The following OLA1 variants were observed in gnomAD, a reference collection of about 807,000 sequenced individuals.
OLA1 encodes Obg like ATPase 1.
OLA1 carries 14 observed loss-of-function variants against 48.4 expected under a neutral mutation model. That is an observed-to-expected ratio of 0.29 (90% CI 0.19 to 0.45). OLA1 has a LOEUF of 0.45. Among genes scored for constraint, OLA1 ranks in the 20% least tolerant of loss-of-function variants. The probability of loss-of-function intolerance (pLI) is 1.00; values close to 1 mark genes in which losing one functional copy is unlikely to be tolerated. For missense variants in OLA1, 325 were observed against 467.1 expected (o/e 0.70, Z 2.80); for synonymous variants, 127 against 150.4 (o/e 0.84, Z 1.14).
chr2:174,247,772 A>G lies in OLA1; in HGVS notation c.-1+680T>C, dbSNP rs80318399. 3,890 of 1,550,726 alleles carry G rather than the reference A, an allele frequency of 2.5e-3. 87 individuals are homozygous for G. The African/African-American group carries it at 0.044, about 18-fold the overall frequency. On this transcript the variant is annotated intron_variant, in intron 1 of 10. Coordinates refer to ENST00000284719, the MANE Select transcript of OLA1 (RefSeq NM_013341.5). ...CTCCAAAATCTACATTATGGTTACT[A>G]TTTCTAATGGTAAATTAATCGACGG...
chr2:174,095,338 TTTTTTTTTTTTGTTG>T (rs1216692556), intron 7 of OLA1, among the ~76,000 whole-genome samples: 14 of 124,776 alleles, frequency 1.1e-4, no homozygotes, highest in Admixed American at 8.0e-4. Flanking sequence ...TTTTTTTTTT[TTTTTTTTTTTTGTTG>T]TTGTTGTTGT....
At chr2:174,081,893 T>C in intron 8 of OLA1, 31 bp downstream of exon 8, 3 of 1,604,056 alleles carry the variant, frequency 1.9e-6, no homozygotes, top group Non-Finnish European at 2.6e-6. Flanking sequence ...TAGTTGATAA[T>C]AAAGTGTAGG....
intron 7 of OLA1, among the ~76,000 whole-genome samples, chr2:174,100,567 G>A (rs865870010): frequency 2.0e-5 from 3 of 152,020 alleles, no homozygotes; most frequent in Non-Finnish European, 4.4e-5. Context: ...ACCACACATA[G>A]CTAATTTTTA....
At chr2:174,188,223 G>A (rs919025724) in intron 4 of OLA1, among the ~76,000 whole-genome samples, 2 of 152,110 alleles carry the variant, frequency 1.3e-5, no homozygotes, top group Admixed American at 6.5e-5. Flanking sequence ...TACAAAATCA[G>A]AGAGGTTGTT....
At position 174,172,981 on chromosome 2, in the gene OLA1, C is replaced by T. The variant is rs78221900; in HGVS notation, c.374-30981G>A. Among the ~76,000 whole-genome samples, 1,246 of 152,182 alleles carry T rather than the reference C, an allele frequency of 8.2e-3. 21 individuals carry two copies. Among genetic ancestry groups the T allele is most frequent in the African/African-American group, 0.028 (1,154 of 41,502 alleles). On this transcript the variant is annotated intron_variant, in intron 4 of 10. Coordinates refer to ENST00000284719, the MANE Select transcript of OLA1 (RefSeq NM_013341.5). ...TTCCCTCTCTAGCCATGTGATATGC[C>T]GCCTCCCCCTTTGCCTTCTGCCATG...
At chr2:174,113,901 G>A (rs1454538686) in intron 7 of OLA1, among the ~76,000 whole-genome samples, 1 of 152,092 alleles carries the variant, frequency 6.6e-6, no homozygotes, top group Non-Finnish European at 1.5e-5. Flanking sequence ...TCTGTAAAAT[G>A]GGCATGATAA....
intron 7 of OLA1, among the ~76,000 whole-genome samples, chr2:174,101,330 G>A (rs73033807): frequency 0.025 from 3,861 of 152,192 alleles, 152 homozygotes; most frequent in African/African-American, 0.087. Flanking sequence ...ATATGTTCAA[G>A]TCTTGCTGAT....
intron 4 of OLA1, among the ~76,000 whole-genome samples, chr2:174,203,817 CAG>C (rs1313402961): frequency 7.2e-6 from 1 of 138,026 alleles, no homozygotes; most frequent in East Asian, 2.1e-4. Context: ...TTTTTTTTGA[CAG>C]AGTCTCACTC....
intron 2 of OLA1, among the ~76,000 whole-genome samples, chr2:174,232,917 T>C (rs965463113): frequency 6.6e-6 from 1 of 152,224 alleles, no homozygotes; most frequent in Non-Finnish European, 1.5e-5. Flanking sequence ...CCCATGTTCA[T>C]TGATGCATTA....
intron 4 of OLA1, among the ~76,000 whole-genome samples, chr2:174,153,449 G>A (rs533267840): frequency 6.6e-6 from 1 of 152,250 alleles, no homozygotes; most frequent in African/African-American, 2.4e-5. Flanking sequence ...CTTATATTTA[G>A]TATAGTAGCA....
chr2:174,163,766 ATATATAT>A (rs1687087266), intron 4 of OLA1, among the ~76,000 whole-genome samples: 1 of 28,232 alleles, frequency 3.5e-5, no homozygotes, highest in African/African-American at 1.4e-4. Context: ...ATATATATAT[ATATATAT>A]ATAAATAAAT....
chr2:174,160,882 AACC>A (rs1686994176), intron 4 of OLA1, among the ~76,000 whole-genome samples: 1 of 152,214 alleles, frequency 6.6e-6, no homozygotes, highest in Non-Finnish European at 1.5e-5. Flanking sequence ...TGAAAATAGA[AACC>A]ACCAATGATT....
chr2:174,142,057 T>C, intron 4 of OLA1, 57 bp from the exon 5 acceptor site: 2 of 1,424,350 alleles, frequency 1.4e-6, no homozygotes, highest in East Asian at 2.3e-5. Context: ...GTGTTCATTA[T>C]GATAGAGTGA....
intron 4 of OLA1, among the ~76,000 whole-genome samples, chr2:174,219,857 C>T (rs1202825308): frequency 1.3e-5 from 2 of 152,186 alleles, no homozygotes; most frequent in Admixed American, 1.3e-4. Flanking sequence ...TTAGGCTGGG[C>T]ACAGTGGCTC....
Position 174,229,323 on chromosome 2 carries a change from T to C in OLA1, c.230A>G (p.Tyr77Cys), listed in dbSNP as rs1471822024. ...PDERFDFLCQ[Y>C]HKPASKIPAF... ...TATCTCTTACCTTGCTGGTTTGTGG[T>C]ATTGACAAAGAAAGTCAAACCTTTC... Residue 77 changes from tyrosine to cysteine, a missense_variant, in exon 3 of 11, where the codon TAC (tyrosine) becomes TGC (cysteine). Tyr to Cys is a radical substitution (Grantham distance 194, BLOSUM62 -2). Transcript: ENST00000284719. The C allele has an allele frequency of 1.2e-6, 2 of 1,612,254 alleles. No homozygotes were observed. The highest frequency in any genetic ancestry group is 1.7e-6 in the Non-Finnish European group (2 of 1,179,912).
chr2:174,143,449 T>G (rs1007136897), intron 4 of OLA1, among the ~76,000 whole-genome samples: 3 of 152,154 alleles, frequency 2.0e-5, no homozygotes, highest in Non-Finnish European at 2.9e-5. Context: ...AAAATAAAAA[T>G]GGAAGCTTCC....
chr2:174,210,660 A>G (rs1378870893), intron 4 of OLA1, among the ~76,000 whole-genome samples: 1 of 152,178 alleles, frequency 6.6e-6, no homozygotes, highest in African/African-American at 2.4e-5. Context: ...TAAATCTACT[A>G]TAAGGGAATG....
At chr2:174,123,523 C>T in intron 6 of OLA1, 72 bp downstream of exon 6, 1 of 888,440 alleles carries the variant, frequency 1.1e-6, no homozygotes, top group South Asian at 1.8e-5. Flanking sequence ...TGTAAAATAA[C>T]AACAACTCTA....
chr2:174,162,833 C>G (rs1464451676), intron 4 of OLA1, among the ~76,000 whole-genome samples: 2 of 152,226 alleles, frequency 1.3e-5, no homozygotes, highest in East Asian at 3.9e-4. Context: ...CGCTTGAGTA[C>G]AGGAGTTTGA....
Sources: allele counts gnomAD v4.1 joint callset (sites outside exome capture counted in the v4.1 genomes callset), GRCh38; gene constraint gnomAD v4.1.1; transcripts MANE v1.5; gene names NCBI Gene and HGNC (gene_info 2026-07-23, HGNC 2026-07-21).